The following DLGAP3 variants were observed in gnomAD, a reference collection of about 807,000 sequenced individuals.
The protein encoded by DLGAP3 is disks large-associated protein 3.
A neutral mutation model predicts 81.2 loss-of-function variants in DLGAP3; 17 were observed. The ratio of observed to expected loss-of-function variants is 0.21; its 90% CI spans 0.14 to 0.31. DLGAP3 has a LOEUF of 0.31. Ranked by LOEUF, DLGAP3 falls within the 10% of genes least tolerant of loss-of-function variation. The probability of loss-of-function intolerance (pLI) is 1.00; values close to 1 mark genes in which losing one functional copy is unlikely to be tolerated. For synonymous variants in DLGAP3, 577 were observed against 587.4 expected (o/e 0.98, Z 0.26); for missense variants, 1,124 against 1,388.0 (o/e 0.81, Z 3.02).
chr1:34,871,460 T>C (rs1222200778), intron 8 of DLGAP3, among the ~76,000 whole-genome samples: 1 of 152,222 alleles, frequency 6.6e-6, no homozygotes, highest in Non-Finnish European at 1.5e-5. Flanking sequence ...CCCTCCTGGC[T>C]TCAGAGGCAG....
At chr1:34,875,454 T>C (rs1258388104) in intron 8 of DLGAP3, among the ~76,000 whole-genome samples, 1 of 152,252 alleles carries the variant, frequency 6.6e-6, no homozygotes. Context: ...TATCTGATCA[T>C]CAAATTTAAC....
chr1:34,870,361 G>T (rs1238281994), intron 8 of DLGAP3, among the ~76,000 whole-genome samples: 1 of 152,150 alleles, frequency 6.6e-6, no homozygotes, highest in African/African-American at 2.4e-5. Context: ...GACCACAAAA[G>T]AAAAGCCTGT....
chr1:34,924,481 C>A (rs959652532), intron 1 of DLGAP3, among the ~76,000 whole-genome samples: 3 of 152,206 alleles, frequency 2.0e-5, no homozygotes, highest in Non-Finnish European at 2.9e-5. Context: ...TGTCCCAAAT[C>A]CCAAAGTATG....
intron 5 of DLGAP3, among the ~76,000 whole-genome samples, chr1:34,893,633 A>G (rs1451267543): frequency 2.6e-5 from 4 of 152,250 alleles, no homozygotes; most frequent in Admixed American, 6.5e-5. Context: ...ATATGACAGT[A>G]ATAGCAAAAA....
In DLGAP3 at chr1:34,895,469, T is replaced by C. The variant is rs1196190308; in HGVS notation, c.1386+4200A>G. Among the ~76,000 whole-genome samples the C allele has an allele frequency of 6.6e-6, 1 of 151,982 alleles. No homozygotes were observed. The highest frequency in any genetic ancestry group is 1.5e-5 in the Non-Finnish European group (1 of 67,992). On this transcript the variant is annotated intron_variant, in intron 5 of 11. Transcript: ENST00000373347. The surrounding 1 kb of genome is among the most constrained non-coding windows in gnomAD (Gnocchi z 4.5). ...TGGAAATACATCCAATATTCAAGGA[T>C]AATAATACTTAATATTGTTAAGAAT...
chr1:34,866,317 C>A lies in DLGAP3; in HGVS notation c.2722-16G>T, dbSNP rs1282744485. On this transcript the variant is annotated splice_polypyrimidine_tract_variant and intron_variant, in intron 11 of 11. Transcript: ENST00000373347. ...TCTTCTCCTCCTGCGGGGCAGAGGG[C>A]GTCGCTGAGCTGGGGCGCCGAACCA... is the stretch of plus-strand genomic sequence containing the variant. The A allele has an allele frequency of 2.0e-6, 3 of 1,498,706 alleles. No homozygotes were observed. 92.8% of individuals were successfully genotyped at this position (1,498,706 alleles called of 1,614,324 possible). A position where few individuals can be genotyped will look rare whatever the true frequency, so the allele number is the denominator to read the frequency against.
intron 8 of DLGAP3, among the ~76,000 whole-genome samples, chr1:34,871,950 C>T (rs1485160121): frequency 2.6e-5 from 4 of 152,180 alleles, no homozygotes; most frequent in Admixed American, 6.5e-5. Context: ...TCCTCACCAA[C>T]GCTCCTGGCC....
At chr1:34,888,146 G>A (rs373544881) in intron 5 of DLGAP3, among the ~76,000 whole-genome samples, 10 of 152,180 alleles carry the variant, frequency 6.6e-5, no homozygotes, top group Non-Finnish European at 1.3e-4. Flanking sequence ...AAAGATTCAC[G>A]GCATTATATT....
At chr1:34,910,172 C>A (rs1250217520) in intron 1 of DLGAP3, among the ~76,000 whole-genome samples, 1 of 152,192 alleles carries the variant, frequency 6.6e-6, no homozygotes, top group East Asian at 1.9e-4. Flanking sequence ...ATGGAACCAA[C>A]ATTAACAGTT....
At chr1:34,894,535 A>G (rs1465251494) in intron 5 of DLGAP3, among the ~76,000 whole-genome samples, 1 of 152,240 alleles carries the variant, frequency 6.6e-6, no homozygotes, top group African/African-American at 2.4e-5. Flanking sequence ...GACAATCAGG[A>G]TGATAGCAGA....
rs146586197 is a variant in DLGAP3 at position 34,900,150 on chromosome 1, C to G, written c.1231G>C (p.Gly411Arg). ...GCTTTGGGAGATGTCTTGGGGCTGC[C>G]GTCTGAGTCTCCGCTCTCCTCATCC... ...MGDEESGDSD[G>R]SPKTSPKAVA... Residue 411 changes from glycine (G) to arginine (R), a missense_variant, in exon 4 of 12, where the codon GGC becomes CGC. Physicochemically the swap from Gly to Arg is moderately radical, Grantham distance 125 (BLOSUM62 -2). Coordinates refer to ENST00000373347, the MANE Select transcript of DLGAP3 (RefSeq NM_001080418.3). This position sits in a 1 kb window ranked among gnomAD's most constrained non-coding sequence, Gnocchi z 5.6. The G allele has an allele frequency of 1.2e-6, 2 of 1,613,944 alleles. No homozygotes were observed. The highest frequency in any genetic ancestry group is 1.7e-5 in the Admixed American group (1 of 60,010).
chr1:34,914,558 C>A (rs913907640), intron 1 of DLGAP3, among the ~76,000 whole-genome samples: 1 of 152,216 alleles, frequency 6.6e-6, no homozygotes, highest in South Asian at 2.1e-4. Context: ...CCCAGGTCCA[C>A]CACTTACTAG....
At chr1:34,885,266 AGT>A (rs1343062602) in intron 7 of DLGAP3, among the ~76,000 whole-genome samples, 2 of 152,142 alleles carry the variant, frequency 1.3e-5, no homozygotes, top group African/African-American at 4.8e-5. Context: ...GCCCTCCATT[AGT>A]CAGGAGGGGC....
Position 34,867,514 on chromosome 1 carries a change from A to G in DLGAP3, c.2577+22T>C, listed in dbSNP as rs1569588815. The G allele has an allele frequency of 2.5e-6, 4 of 1,595,944 alleles. No homozygotes were observed. ...CTCTGGGTCACATGTATCTGGTAGG[A>G]TCTACTACTATGGGCACTCACCATG... On this transcript the variant is annotated intron_variant, in intron 10 of 11. Transcript: ENST00000373347. This position sits in a 1 kb window ranked among gnomAD's most constrained non-coding sequence, Gnocchi z 4.3.
chr1:34,900,333 C>G lies in DLGAP3; in HGVS notation c.1108-60G>C. 1 of 1,558,076 alleles carries G rather than the reference C, an allele frequency of 6.4e-7. No homozygotes were observed. Among genetic ancestry groups the G allele is most frequent in the Non-Finnish European group, 8.8e-7 (1 of 1,134,396 alleles). On this transcript the variant is annotated intron_variant, in intron 3 of 11. Coordinates refer to ENST00000373347, the MANE Select transcript of DLGAP3 (RefSeq NM_001080418.3). The surrounding 1 kb of genome is among the most constrained non-coding windows in gnomAD (Gnocchi z 5.6). ...ACCCTAGTAAATCTAGAGGCCAGGA[C>G]TCTTTCCCCACTGCCAGTGGGAGAT...
intron 1 of DLGAP3, among the ~76,000 whole-genome samples, chr1:34,926,574 T>G (rs1366873472): frequency 6.6e-6 from 1 of 152,144 alleles, no homozygotes; most frequent in East Asian, 1.9e-4. Flanking sequence ...GAAATCAGAA[T>G]CTGGGAAGGT....
chr1:34,922,625 C>T (rs1639813112), intron 1 of DLGAP3, among the ~76,000 whole-genome samples: 1 of 152,108 alleles, frequency 6.6e-6, no homozygotes. Context: ...TATATATATA[C>T]ACACATCCAC....
Position 34,868,804 on chromosome 1 carries a change from G to A in DLGAP3, c.2286C>T (p.Pro762=), listed in dbSNP as rs779804155. ...GGCGGCCGGCCCCAGGGCCGGGGGT[G>A]GGGGCGGGGGCAGGGCCGGGCGACC... is the stretch of plus-strand genomic sequence containing the variant. The part of the protein sequence containing the change: ...TDGSPGPAPA[P]TPGPGAGRRD... Residue 762 remains proline, a synonymous_variant, in exon 9 of 12, where the codon CCC becomes CCT. Coordinates refer to ENST00000373347, the MANE Select transcript of DLGAP3 (RefSeq NM_001080418.3). This position sits in a 1 kb window ranked among gnomAD's most constrained non-coding sequence, Gnocchi z 7.5. 9 of 1,581,858 alleles carry A rather than the reference G, an allele frequency of 5.7e-6. No homozygotes were observed. Among genetic ancestry groups the A allele is most frequent in the Non-Finnish European group, 6.0e-6 (7 of 1,168,602 alleles).
intron 8 of DLGAP3, among the ~76,000 whole-genome samples, chr1:34,875,416 T>C (rs1443362276): frequency 6.6e-6 from 1 of 152,232 alleles, no homozygotes; most frequent in Non-Finnish European, 1.5e-5. Context: ...AAATATTGCA[T>C]GTGACATACT....
Sources: gnomAD v4.1 joint callset for allele counts (sites outside exome capture counted in the v4.1 genomes callset) on GRCh38, gnomAD v4.1.1 for gene constraint, Gnocchi (gnomAD v3.1) non-coding constraint, MANE v1.5 for transcripts, NCBI Gene and HGNC (gene_info 2026-07-23, HGNC 2026-07-21) for gene names.